The following DCC variants were observed in gnomAD, a reference collection of about 807,000 sequenced individuals.
DCC encodes DCC netrin 1 receptor.
DCC carries 58 observed loss-of-function variants against 172.5 expected under a neutral mutation model. The observed-to-expected ratio is 0.34, with a 90% CI of 0.27 to 0.42. The LOEUF (loss-of-function observed/expected upper bound fraction) is 0.42. Ranked by LOEUF, DCC falls within the 10% of genes least tolerant of loss-of-function variation. The probability of loss-of-function intolerance (pLI) is 1.00; values close to 1 mark genes in which losing one functional copy is unlikely to be tolerated. For missense variants in DCC, 1,740 were observed against 1,791.0 expected (o/e 0.97, Z 0.51); for synonymous variants, 709 against 644.5 (o/e 1.10, Z -1.52).
At chr18:53,477,394 T>C (rs1277934004) in intron 25 of DCC, among the ~76,000 whole-genome samples, 2 of 152,226 alleles carry the variant, frequency 1.3e-5, no homozygotes, top group Non-Finnish European at 2.9e-5. Context: ...TTTAAAAATT[T>C]TGTATCTGTA....
chr18:53,013,310 T>C (rs1049930953), intron 5 of DCC, among the ~76,000 whole-genome samples: 1 of 151,990 alleles, frequency 6.6e-6, no homozygotes, highest in Admixed American at 6.6e-5. Context: ...ATGTCCATAA[T>C]TGATAGACTA....
intron 5 of DCC, among the ~76,000 whole-genome samples, chr18:53,026,915 A>T (rs2041962165): frequency 6.6e-6 from 1 of 152,102 alleles, no homozygotes; most frequent in African/African-American, 2.4e-5. Context: ...AAGATCTAGA[A>T]GGGTATTTCC....
intron 1 of DCC, among the ~76,000 whole-genome samples, chr18:52,500,940 C>T (rs868467955): frequency 2.6e-5 from 4 of 152,024 alleles, no homozygotes; most frequent in African/African-American, 9.7e-5. Context: ...GTAATTGACA[C>T]GTGGACATAT....
chr18:52,584,828 C>G (rs777707111), intron 1 of DCC, among the ~76,000 whole-genome samples: 1 of 152,000 alleles, frequency 6.6e-6, no homozygotes, highest in Non-Finnish European at 1.5e-5. Flanking sequence ...AGACGAGCCA[C>G]TGCACCCAGC....
chr18:53,181,380 A>T (rs1010012382), intron 9 of DCC, among the ~76,000 whole-genome samples: 1 of 151,548 alleles, frequency 6.6e-6, no homozygotes, highest in Admixed American at 6.6e-5. Context: ...CAACTTAAGA[A>T]AGCAATTTTC....
At chr18:52,642,514 G>A (rs1431643584) in intron 1 of DCC, among the ~76,000 whole-genome samples, 1 of 152,022 alleles carries the variant, frequency 6.6e-6, no homozygotes, top group Non-Finnish European at 1.5e-5. Flanking sequence ...TCTGGGCAAA[G>A]ACAATTGCTG....
intron 26 of DCC, among the ~76,000 whole-genome samples, chr18:53,490,994 A>G (rs555731495): frequency 1.3e-5 from 2 of 152,324 alleles, no homozygotes; most frequent in Admixed American, 1.3e-4. Flanking sequence ...ACTCCTGTCT[A>G]GTACATTAGG....
At chr18:53,418,766 A>G (rs1316134854) in intron 21 of DCC, among the ~76,000 whole-genome samples, 2 of 152,216 alleles carry the variant, frequency 1.3e-5, no homozygotes, top group Admixed American at 1.3e-4. Flanking sequence ...AAATGTGAAA[A>G]CAATAGTCAT....
At chr18:52,743,209 C>A (rs1188456825) in intron 1 of DCC, among the ~76,000 whole-genome samples, 1 of 152,162 alleles carries the variant, frequency 6.6e-6, no homozygotes, top group Non-Finnish European at 1.5e-5. Context: ...TAAATACTCA[C>A]AAGAGCACTT....
At chr18:53,358,033 C>T (rs1275670975) in intron 15 of DCC, among the ~76,000 whole-genome samples, 1 of 152,054 alleles carries the variant, frequency 6.6e-6, no homozygotes, top group Non-Finnish European at 1.5e-5. Flanking sequence ...AGTTTTATCT[C>T]AAATTTGATT....
At chr18:53,428,373 T>TTATAATATATTGTATATAA (rs1911227293) in intron 21 of DCC, among the ~76,000 whole-genome samples, 2 of 42,982 alleles carry the variant, frequency 4.7e-5, no homozygotes, top group African/African-American at 1.3e-4. Context: ...TAATATAATA[T>TTATAATATATTGTATATAA]TATAATATAT....
At chr18:53,361,696 AC>A (rs2057949671) in intron 15 of DCC, among the ~76,000 whole-genome samples, 1 of 152,208 alleles carries the variant, frequency 6.6e-6, no homozygotes, top group African/African-American at 2.4e-5. Flanking sequence ...CATCCTATCT[AC>A]CTTTTTTGTA....
intron 27 of DCC, among the ~76,000 whole-genome samples, chr18:53,502,026 A>G (rs1293636989): frequency 3.3e-5 from 5 of 152,210 alleles, no homozygotes; most frequent in Non-Finnish European, 4.4e-5. Context: ...AATAATAAGC[A>G]TGTCTGAAGA....
intron 1 of DCC, among the ~76,000 whole-genome samples, chr18:52,593,856 A>G (rs187779862): frequency 2.6e-5 from 4 of 152,352 alleles, no homozygotes; most frequent in Admixed American, 2.6e-4. Context: ...TCAGGTTGAA[A>G]CCACTTATCT....
intron 1 of DCC, among the ~76,000 whole-genome samples, chr18:52,566,598 C>A (rs557878179): frequency 6.6e-6 from 1 of 152,082 alleles, no homozygotes; most frequent in African/African-American, 2.4e-5. Context: ...AGTTTTATAC[C>A]AATTTTGTAT....
At chr18:52,845,350 A>C (rs1433973482) in intron 2 of DCC, among the ~76,000 whole-genome samples, 1 of 152,246 alleles carries the variant, frequency 6.6e-6, no homozygotes, top group Non-Finnish European at 1.5e-5. Flanking sequence ...AGATAGTAAA[A>C]GTTAATGTAA....
intron 24 of DCC, among the ~76,000 whole-genome samples, chr18:53,459,765 G>A (rs2045528355): frequency 1.3e-5 from 2 of 152,032 alleles, no homozygotes; most frequent in Admixed American, 1.3e-4. Context: ...ACTGCTTTTT[G>A]TTAATTGTTA....
intron 7 of DCC, among the ~76,000 whole-genome samples, chr18:53,143,679 A>T (rs2043864360): frequency 6.6e-6 from 1 of 152,264 alleles, no homozygotes; most frequent in Non-Finnish European, 1.5e-5. Context: ...CTTCATGCTT[A>T]TTGCAGAGTA....
At chr18:53,141,630 A>G (rs2144350397) in intron 7 of DCC, among the ~76,000 whole-genome samples, 1 of 152,250 alleles carries the variant, frequency 6.6e-6, no homozygotes, top group East Asian at 1.9e-4. Context: ...AGCTGACTGG[A>G]TTTTGTGGAT....
Sources: gnomAD v4.1 joint callset for allele counts (sites outside exome capture counted in the v4.1 genomes callset) on GRCh38, gnomAD v4.1.1 for gene constraint, MANE v1.5 for transcripts, NCBI Gene and HGNC (gene_info 2026-07-23, HGNC 2026-07-21) for gene names.